The following LPIN3 variants were observed in gnomAD, a reference collection of about 807,000 sequenced individuals.
LPIN3 encodes lipin 3.
A neutral mutation model predicts 94.7 loss-of-function variants in LPIN3; 82 were observed. That is an observed-to-expected ratio of 0.87 (90% CI 0.72 to 1.04). The LOEUF is 1.04. Among genes scored for constraint, LPIN3 ranks in the 50% least tolerant of loss-of-function variants. The probability of loss-of-function intolerance (pLI) is 0.00; values close to 1 mark genes in which losing one functional copy is unlikely to be tolerated. For synonymous variants in LPIN3, 418 were observed against 443.3 expected, an observed-to-expected ratio of 0.94 and a Z score of 0.72; for missense variants, 996 against 1,090.5, an observed-to-expected ratio of 0.91 and a Z score of 1.22.
rs775986460 is a variant in LPIN3, at chr20:41,345,890, C to T, written c.87C>T (p.Gly29=). ...YRGLNPATLS[G]GIDVLVVKQV... ...GCCTGAACCCAGCCACACTGAGCGG[C>T]GGCATTGACGTGCTGGTGGTGAAGC... is the stretch of plus-strand genomic sequence containing the variant. Residue 29 remains glycine, a synonymous_variant, in exon 2 of 20, where the codon GGC becomes GGT. Coordinates refer to ENST00000373257, the MANE Select transcript of LPIN3 (RefSeq NM_022896.3). The T allele has an allele frequency of 3.3e-5, 54 of 1,614,088 alleles. No individual in the cohort carries two copies. The highest frequency in any genetic ancestry group is 1.3e-4 in the Admixed American group (8 of 59,996).
intron 13 of LPIN3, 103 bp downstream of exon 13, chr20:41,354,966 TG>T: frequency 1.7e-6 from 2 of 1,162,040 alleles, no homozygotes; most frequent in Middle Eastern, 3.0e-4. Context: ...TCTCCAGCTG[TG>T]GGTTTTTTTT....
At chr20:41,351,068 C>A (rs1185340573) in intron 7 of LPIN3, among the ~76,000 whole-genome samples, 1 of 147,958 alleles carries the variant, frequency 6.8e-6, no homozygotes, top group African/African-American at 2.5e-5. Flanking sequence ...GTAGTGAGAA[C>A]CCATCTCTAC....
chr20:41,349,442 T>C (rs1200178330), intron 5 of LPIN3, among the ~76,000 whole-genome samples: 1 of 152,106 alleles, frequency 6.6e-6, no homozygotes, highest in East Asian at 1.9e-4. Flanking sequence ...ATCACCACTA[T>C]CTAGTTCCAG....
In LPIN3 at chr20:41,348,659, G is replaced by T. The variant is rs546459459; in HGVS notation, c.329G>T (p.Trp110Leu). ...GGCCTGTGCACCTCACCCATCCCTT[G>T]GGGGGGTCTGTCTGGCTTCCCCTCG... Reference protein sequence around the residue: ...PPGLCTSPIPWGGLSGFPSDS... With the variant: ...PPGLCTSPIPLGGLSGFPSDS... Residue 110 changes from tryptophan (W) to leucine (L), a missense_variant, in exon 4 of 20, where the codon TGG (tryptophan) becomes TTG (leucine). Coordinates refer to ENST00000373257, the MANE Select transcript of LPIN3 (RefSeq NM_022896.3). 26 of 1,613,348 alleles carry T rather than the reference G, an allele frequency of 1.6e-5. No homozygotes were observed. In the Admixed American group the frequency reaches 4.3e-4, roughly 27 times the overall value.
intron 1 of LPIN3, 84 bp from the exon 2 acceptor site, chr20:41,345,712 G>A: frequency 7.2e-7 from 1 of 1,396,016 alleles, no homozygotes; most frequent in African/African-American, 1.4e-5. Flanking sequence ...TGTAAACTTG[G>A]GGGTCTGTGT....
chr20:41,344,794 G>C (rs2045709732), intron 1 of LPIN3, among the ~76,000 whole-genome samples: 1 of 152,240 alleles, frequency 6.6e-6, no homozygotes, highest in Non-Finnish European at 1.5e-5. Flanking sequence ...TTGTGGGTCT[G>C]AGCGCCTAGC....
chr20:41,353,105 C>T (rs1284215147), intron 11 of LPIN3, among the ~76,000 whole-genome samples: 1 of 152,200 alleles, frequency 6.6e-6, no homozygotes, highest in Non-Finnish European at 1.5e-5. Context: ...CAGAGGAGCT[C>T]AGGACAAACC....
Position 41,350,134 on chromosome 20 carries a change from C to T in LPIN3, c.839C>T (p.Pro280Leu). 6.2e-7 allele frequency: 1 copy of T among 1,612,944 alleles called. No individual in the cohort carries two copies. The highest frequency in any genetic ancestry group is 8.5e-7 in the Non-Finnish European group (1 of 1,179,674). Residue 280 changes from proline (P) to leucine (L), a missense_variant, in exon 7 of 20, where the codon CCC becomes CTC. By Grantham distance (98) the Pro-to-Leu change is moderately conservative (BLOSUM62 -3). Coordinates refer to ENST00000373257, the MANE Select transcript of LPIN3 (RefSeq NM_022896.3). The stretch of plus-strand genomic sequence containing the variant: ...GCAACCTCTCCTCCTCGGGGAGGAC[C>T]CAGCACTCCCTCTACCTCTGTGGCT... ...AGATSPPRGG[P>L]STPSTSVAGG... is the part of the protein sequence containing the mutation.
chr20:41,358,639 T>TTTTAC, intron 19 of LPIN3, 83 bp from the exon 20 acceptor site: 11 of 1,604,624 alleles, frequency 6.9e-6, no homozygotes, highest in Non-Finnish European at 8.5e-6. Flanking sequence ...GGGGAGTCTG[T>TTTTAC]CCCTTACTCT....
rs776009207 is a variant in LPIN3 at position 41,354,753 on chromosome 20, C to T, written c.1620+16C>T. On this transcript the variant is annotated intron_variant, in intron 12 of 19. Transcript: ENST00000373257. ...GGCCGAGGAGGTGGGTGGTCACAGTCGAGGGCCAGGGCCAGGGCCAGCACA... is the reference window on the plus strand; with the variant it reads ...GGCCGAGGAGGTGGGTGGTCACAGTTGAGGGCCAGGGCCAGGGCCAGCACA... 9.3e-6 allele frequency: 15 copies of T among 1,607,588 alleles called. No individual in the cohort carries two copies. The highest frequency in any genetic ancestry group is 3.3e-5 in the South Asian group (3 of 90,258).
intron 11 of LPIN3, 47 bp downstream of exon 11, chr20:41,352,914 A>ACT (rs1463840149): frequency 1.3e-6 from 2 of 1,598,488 alleles, no homozygotes; most frequent in African/African-American, 2.7e-5. Flanking sequence ...GTAGCCATAG[A>ACT]CTCAGGGCAC....
chr20:41,348,655 C>T lies in LPIN3; in HGVS notation c.325C>T (p.Pro109Ser). ...VPPGLCTSPIPWGGLSGFPSD... is the reference protein window; with the variant it reads ...VPPGLCTSPISWGGLSGFPSD... ...TCCCGGCCTGTGCACCTCACCCATC[C>T]CTTGGGGGGGTCTGTCTGGCTTCCC... The change falls in exon 4 of 20, where the codon CCT becomes TCT. Residue 109 changes from proline to serine, a missense_variant. Coordinates refer to ENST00000373257, the MANE Select transcript of LPIN3 (RefSeq NM_022896.3). The T allele has an allele frequency of 6.2e-7, 1 of 1,613,522 alleles. No individual in the cohort carries two copies. Among genetic ancestry groups the T allele is most frequent in the Non-Finnish European group, 8.5e-7 (1 of 1,179,586 alleles).
At position 41,349,868 on chromosome 20, in the gene LPIN3, C is replaced by T. The variant is rs2045937118; in HGVS notation, c.733C>T (p.Gln245Ter). ...TCCCCTAAGAGCCGAGTCCCACATGCAGTGGGCCTGGGGGAGGCTGCCTAA... is the reference window on the plus strand; with the variant it reads ...TCCCCTAAGAGCCGAGTCCCACATGTAGTGGGCCTGGGGGAGGCTGCCTAA... Reference protein sequence around the residue: ...PSPLRAESHMQWAWGRLPKVA... With the variant: ...PSPLRAESHM Residue 245 changes from glutamine to a stop codon, truncating the protein, a stop_gained, in exon 6 of 20, where the codon CAG (glutamine) becomes TAG (stop). Coordinates refer to ENST00000373257, the MANE Select transcript of LPIN3 (RefSeq NM_022896.3). LOFTEE classifies it high-confidence loss of function. The T allele has an allele frequency of 6.2e-7, 1 of 1,613,502 alleles. No individual in the cohort carries two copies. Among genetic ancestry groups the T allele is most frequent in the African/African-American group, 1.3e-5 (1 of 75,060 alleles).
rs1364865541 is a variant in LPIN3, at chr20:41,352,645, C to T, written c.1403C>T (p.Thr468Ile). The change falls in exon 10 of 20, where the codon ACC becomes ATC. Residue 468 changes from threonine (T) to isoleucine (I), a missense_variant. Transcript: ENST00000373257. ...NQHSVSYQDL[T>I]KNPGLLDDPN... ...CACAGCGTCTCTTACCAGGACCTCACCAAAAACCCCGGACTTTTGGATGAC... is the reference window on the plus strand; with the variant it reads ...CACAGCGTCTCTTACCAGGACCTCATCAAAAACCCCGGACTTTTGGATGAC... The T allele has an allele frequency of 3.1e-6, 5 of 1,614,166 alleles. No homozygotes were observed. Among genetic ancestry groups the T allele is most frequent in the South Asian group, 1.1e-5 (1 of 91,082 alleles).
chr20:41,359,093 T>G lies in LPIN3; in HGVS notation c.*227T>G, dbSNP rs2046316675. 1 of 419,588 alleles carries G rather than the reference T, an allele frequency of 2.4e-6. No individual in the cohort carries two copies. The highest frequency in any genetic ancestry group is 2.1e-5 in the African/African-American group (1 of 48,626). 26.0% of individuals were successfully genotyped at this position (419,588 alleles called of 1,614,324 possible). A position where few individuals can be genotyped will look rare whatever the true frequency, so the allele number is the denominator to read the frequency against. On this transcript the variant is annotated 3_prime_UTR_variant, in exon 20 of 20. Coordinates refer to ENST00000373257, the MANE Select transcript of LPIN3 (RefSeq NM_022896.3). ...TCAGTGTGGCACTGTCCTGGGGCAA[T>G]TAGCTTGTCATCTGGGCCCTTGCAG... is the stretch of plus-strand genomic sequence containing the variant.
chr20:41,344,006 G>A (rs1248127912), intron 1 of LPIN3, among the ~76,000 whole-genome samples: 1 of 151,996 alleles, frequency 6.6e-6, no homozygotes, highest in African/African-American at 2.4e-5. Context: ...AGGCCGCAGT[G>A]AGTCATTTTG....
rs780454973 is a variant in LPIN3, at chr20:41,358,784, C to T, written c.2474C>T (p.Thr825Ile). The T allele has an allele frequency of 2.5e-6, 4 of 1,614,182 alleles. No individual in the cohort carries two copies. Among genetic ancestry groups the T allele is most frequent in the Non-Finnish European group, 3.4e-6 (4 of 1,180,030 alleles). Residue 825 changes from threonine (T) to isoleucine (I), a missense_variant, in exon 20 of 20, where the codon ACA (threonine) becomes ATA (isoleucine). Physicochemically the swap from Thr to Ile is moderately conservative, Grantham distance 89. Transcript: ENST00000373257. Reference sequence around the variant, plus strand: ...CCACCTGTGGCCCGTGGCCCCAGCACAGACCTGGCCAACCCTGAATACAGT... The same window carrying T: ...CCACCTGTGGCCCGTGGCCCCAGCATAGACCTGGCCAACCCTGAATACAGT... ...LFPPVARGPS[T>I]DLANPEYSNF...
At chr20:41,347,507 A>C in intron 2 of LPIN3, 45 bp from the exon 3 acceptor site, 1 of 1,586,754 alleles carries the variant, frequency 6.3e-7, no homozygotes, top group Non-Finnish European at 8.7e-7. Flanking sequence ...GGTCGGAAGC[A>C]TGGGCGTGAA....
intron 1 of LPIN3, among the ~76,000 whole-genome samples, chr20:41,345,388 C>T (rs545440009): frequency 6.6e-6 from 1 of 152,338 alleles, no homozygotes; most frequent in South Asian, 2.1e-4. Flanking sequence ...GCTGGCTCAT[C>T]TGTAAACAGG....
Sources: gnomAD v4.1 joint callset for allele counts (sites outside exome capture counted in the v4.1 genomes callset) on GRCh38, gnomAD v4.1.1 for gene constraint, MANE v1.5 for transcripts, NCBI Gene and HGNC (gene_info 2026-07-23, HGNC 2026-07-21) for gene names.